The following PATJ variants were observed in gnomAD, a reference collection of about 807,000 sequenced individuals.
PATJ encodes PATJ crumbs cell polarity complex component.
Under a neutral mutation model 224.9 loss-of-function variants are expected in PATJ, and 190 were observed. The ratio of observed to expected loss-of-function variants is 0.84; its 90% CI spans 0.75 to 0.95. The LOEUF (loss-of-function observed/expected upper bound fraction) is 0.95. Among genes scored for constraint, PATJ ranks in the 40% least tolerant of loss-of-function variants. PATJ has a pLI of 0.00. For missense variants in PATJ, 2,121 were observed against 2,270.3 expected, an observed-to-expected ratio of 0.93 and a Z score of 1.34; for synonymous variants, 769 against 820.3, an observed-to-expected ratio of 0.94 and a Z score of 1.07.
At chr1:61,811,175 A>G (rs1221162341) in intron 14 of PATJ, among the ~76,000 whole-genome samples, 7 of 152,186 alleles carry the variant, frequency 4.6e-5, no homozygotes. Flanking sequence ...TACCTGCCTC[A>G]TAGATTTATA....
intron 28 of PATJ, among the ~76,000 whole-genome samples, chr1:62,005,762 C>A (rs1646054823): frequency 6.6e-6 from 1 of 151,850 alleles, no homozygotes; most frequent in Non-Finnish European, 1.5e-5. Flanking sequence ...CAAGACCCTG[C>A]CTCTTTAAAA....
At chr1:61,998,792 TG>T in intron 28 of PATJ, among the ~76,000 whole-genome samples, 1 of 152,286 alleles carries the variant, frequency 6.6e-6, no homozygotes, top group East Asian at 1.9e-4. Context: ...TGTTTCCTGC[TG>T]TGAAGTCTTT....
At chr1:62,111,532 A>G (rs1412993258) in intron 34 of PATJ, among the ~76,000 whole-genome samples, 2 of 152,202 alleles carry the variant, frequency 1.3e-5, no homozygotes, top group Non-Finnish European at 1.5e-5. Flanking sequence ...ACACTAAGTA[A>G]ATATTATTAC....
chr1:62,160,022 G>A (rs1012382462), intron 43 of PATJ, among the ~76,000 whole-genome samples: 4 of 152,156 alleles, frequency 2.6e-5, no homozygotes, highest in South Asian at 2.1e-4. Flanking sequence ...CCAAGTGCCT[G>A]TGGGCTTTGG....
chr1:61,932,294 T>G (rs1236550189), intron 27 of PATJ, among the ~76,000 whole-genome samples: 1 of 152,134 alleles, frequency 6.6e-6, no homozygotes, highest in Non-Finnish European at 1.5e-5. Context: ...GAGACTACAC[T>G]CTGAAAACCG....
chr1:61,951,618 G>T (rs74076835), intron 27 of PATJ, among the ~76,000 whole-genome samples: 6,592 of 152,040 alleles, frequency 0.043, 532 homozygotes, highest in African/African-American at 0.15. Flanking sequence ...TTTCTAGTGG[G>T]TTTTCTGAAG....
At chr1:61,957,560 C>T (rs1472802897) in intron 27 of PATJ, among the ~76,000 whole-genome samples, 1 of 152,030 alleles carries the variant, frequency 6.6e-6, no homozygotes, top group Non-Finnish European at 1.5e-5. Context: ...ATGCATTGCA[C>T]CATGTTCAGG....
chr1:61,874,238 G>A (rs1414084991), intron 20 of PATJ, among the ~76,000 whole-genome samples: 1 of 150,894 alleles, frequency 6.6e-6, no homozygotes, highest in African/African-American at 2.4e-5. Context: ...GTGTCTCTCT[G>A]TCACTCAGGC....
At chr1:62,081,551 T>A (rs1014603283) in intron 32 of PATJ, among the ~76,000 whole-genome samples, 5 of 152,158 alleles carry the variant, frequency 3.3e-5, no homozygotes, top group Non-Finnish European at 7.4e-5. Context: ...AAAGGCAGTA[T>A]AAACTTTTTA....
intron 28 of PATJ, among the ~76,000 whole-genome samples, chr1:61,998,405 G>C (rs1645547428): frequency 3.3e-5 from 5 of 151,678 alleles, no homozygotes; most frequent in African/African-American, 1.2e-4. Flanking sequence ...TATTTTATTT[G>C]TTGTAGAGTC....
At chr1:62,083,879 A>G (rs954916977) in intron 32 of PATJ, among the ~76,000 whole-genome samples, 2 of 152,138 alleles carry the variant, frequency 1.3e-5, no homozygotes, top group East Asian at 3.9e-4. Context: ...CTTTATTCTC[A>G]TTGTAACATA....
intron 25 of PATJ, among the ~76,000 whole-genome samples, chr1:61,909,601 T>G (rs1672325462): frequency 6.6e-6 from 1 of 152,142 alleles, no homozygotes; most frequent in Admixed American, 6.5e-5. Context: ...GCCTCCCAAG[T>G]AGCTGGGATT....
chr1:62,119,712 G>T (rs992510202), intron 37 of PATJ, among the ~76,000 whole-genome samples: 1 of 152,146 alleles, frequency 6.6e-6, no homozygotes, highest in Non-Finnish European at 1.5e-5. Flanking sequence ...GTTCGAGGCG[G>T]GCAGATCACT....
intron 28 of PATJ, among the ~76,000 whole-genome samples, chr1:62,014,497 T>C (rs1646649420): frequency 6.6e-6 from 1 of 152,138 alleles, no homozygotes; most frequent in African/African-American, 2.4e-5. Context: ...TAGTATATTT[T>C]GAACATTTTC....
In PATJ at chr1:61,856,025, C is replaced by T. The variant is rs941084383; in HGVS notation, c.2113-5C>T. 1 of 1,611,642 alleles carries T rather than the reference C, an allele frequency of 6.2e-7. No individual in the cohort carries two copies. The highest frequency in any genetic ancestry group is 1.1e-5 in the South Asian group (1 of 91,010). On this transcript the variant is annotated splice_region_variant and splice_polypyrimidine_tract_variant and intron_variant, in intron 17 of 43. Coordinates refer to ENST00000642238, the MANE Select transcript of PATJ (RefSeq NM_001350145.3). ...ACTCATCCTTCTTCTTTGCTCGATT[C>T]ACAGGACCCTTTAGATCCTACAAGA...
chr1:61,796,717 T>C (rs370637188), intron 10 of PATJ, among the ~76,000 whole-genome samples: 20 of 18,738 alleles, frequency 1.1e-3, no homozygotes, highest in South Asian at 9.4e-3. Context: ...TTTCTTTCTT[T>C]CTTTCTTTTT....
chr1:61,788,007 A>C, intron 8 of PATJ, 35 bp downstream of exon 8: 1 of 1,525,760 alleles, frequency 6.6e-7, no homozygotes, highest in Non-Finnish European at 9.1e-7. Flanking sequence ...TCTTAAACCA[A>C]AGCCTGGGTG....
intron 26 of PATJ, among the ~76,000 whole-genome samples, chr1:61,926,053 C>T (rs1675146647): frequency 6.6e-6 from 1 of 152,224 alleles, no homozygotes; most frequent in Non-Finnish European, 1.5e-5. Context: ...GGAACCCAAA[C>T]AGCACAAGTG....
chr1:62,158,838 A>G (rs1669555818), intron 43 of PATJ, among the ~76,000 whole-genome samples: 1 of 151,670 alleles, frequency 6.6e-6, no homozygotes, highest in Admixed American at 6.6e-5. Context: ...AATACCAACT[A>G]CTTGGGAGGC....
Sources: gnomAD v4.1 joint callset for allele counts (sites outside exome capture counted in the v4.1 genomes callset) on GRCh38, gnomAD v4.1.1 for gene constraint, MANE v1.5 for transcripts, NCBI Gene and HGNC (gene_info 2026-07-23, HGNC 2026-07-21) for gene names.